UTS2: variants seen among roughly 807,000 people sequenced by gnomAD.
The protein encoded by UTS2 is urotensin 2, also known as urotensin-2.
A neutral mutation model predicts 12.6 loss-of-function variants in UTS2; 10 were observed. The ratio of observed to expected loss-of-function variants is 0.80; its 90% CI spans 0.49 to 1.35. UTS2 has a LOEUF of 1.35. Ranked by LOEUF, UTS2 falls within the 40% of genes most tolerant of loss-of-function variation. The pLI, the probability that UTS2 is intolerant of heterozygous loss-of-function variation, is 0.00. For synonymous variants in UTS2, 52 were observed against 50.0 expected, an observed-to-expected ratio of 1.04 and a Z score of -0.17; for missense variants, 142 against 143.2, an observed-to-expected ratio of 0.99 and a Z score of 0.04.
chr1:7,889,193 G>A, the UTS2 span, among the ~76,000 whole-genome samples: 21,167 of 147,402 alleles, frequency 0.14, 1,823 homozygotes, highest in Non-Finnish European at 0.18. Context: ...GGAGGCCGAG[G>A]TGGACAGATG....
the UTS2 span, among the ~76,000 whole-genome samples, chr1:7,862,980 A>ATTGTATTGTG: frequency 1.9e-5 from 1 of 53,316 alleles, no homozygotes; most frequent in South Asian, 6.5e-4. Context: ...GCCGTTATTT[A>ATTGTATTGTG]TTGTGTTGTG....
upstream of UTS2, chr1:7,853,479 G>A (rs924297977): frequency 1.9e-6 from 3 of 1,579,892 alleles, no homozygotes; most frequent in South Asian, 1.2e-5. Context: ...GCTGTGTTTA[G>A]GGCTGCCATC....
At chr1:7,895,369 CAA>C in the UTS2 span, among the ~76,000 whole-genome samples, 7,382 of 150,230 alleles carry the variant, frequency 0.049, 513 homozygotes, top group African/African-American at 0.15. Flanking sequence ...GACTCCATCC[CAA>C]AAAAATAAAT....
the UTS2 span, among the ~76,000 whole-genome samples, chr1:7,910,935 GCCTCATTAAC>G: frequency 2.0e-5 from 3 of 151,264 alleles, no homozygotes; most frequent in African/African-American, 7.3e-5. Context: ...GGTGACATAG[GCCTCATTAAC>G]CCTCATTAAC....
chr1:7,855,177 G>A (rs916715724), upstream of UTS2, among the ~76,000 whole-genome samples: 7 of 151,892 alleles, frequency 4.6e-5, no homozygotes, highest in African/African-American at 1.7e-4. Flanking sequence ...AAACAAACAA[G>A]TCATGATGTA....
chr1:7,885,058 A>C, the UTS2 span, among the ~76,000 whole-genome samples: 3 of 146,882 alleles, frequency 2.0e-5, no homozygotes, highest in Non-Finnish European at 4.5e-5. Context: ...TCATTCAGCC[A>C]CTCATCCATT....
chr1:7,906,515 G>GAAA, the UTS2 span, among the ~76,000 whole-genome samples: 3 of 148,038 alleles, frequency 2.0e-5, no homozygotes, highest in Non-Finnish European at 3.0e-5. Flanking sequence ...AAGAAAAGAG[G>GAAA]GAGGGAGGGA....
At chr1:7,883,172 C>G in the UTS2 span, among the ~76,000 whole-genome samples, 1 of 152,126 alleles carries the variant, frequency 6.6e-6, no homozygotes, top group Non-Finnish European at 1.5e-5. Flanking sequence ...AAATGTGGTA[C>G]ATATACACAA....
chr1:7,909,824 G>A, the UTS2 span, among the ~76,000 whole-genome samples: 1 of 151,938 alleles, frequency 6.6e-6, no homozygotes, highest in Non-Finnish European at 1.5e-5. Context: ...GTTTCAACAT[G>A]TTGGCCAGGC....
chr1:7,861,999 G>A, the UTS2 span, among the ~76,000 whole-genome samples: 162 of 150,320 alleles, frequency 1.1e-3, no homozygotes, highest in East Asian at 6.9e-3. Context: ...TGCAACCTCC[G>A]TGCCCCTGGT....
At chr1:7,864,851 G>C in the UTS2 span, among the ~76,000 whole-genome samples, 2 of 152,194 alleles carry the variant, frequency 1.3e-5, no homozygotes, top group Non-Finnish European at 2.9e-5. Flanking sequence ...ACAATCAGAG[G>C]GTGAAGGAGG....
chr1:7,853,912 C>T, upstream of UTS2, among the ~76,000 whole-genome samples: 1 of 152,224 alleles, frequency 6.6e-6, no homozygotes, highest in East Asian at 1.9e-4. Flanking sequence ...TTGCTCAAAA[C>T]TTTCTGTGGA....
At chr1:7,863,526 G>A in the UTS2 span, among the ~76,000 whole-genome samples, 25,885 of 152,024 alleles carry the variant, frequency 0.17, 2,837 homozygotes, top group South Asian at 0.25. Flanking sequence ...TATGTGTATC[G>A]GGGTTACTAT....
the UTS2 span, among the ~76,000 whole-genome samples, chr1:7,871,167 T>C: frequency 1.4e-4 from 21 of 152,196 alleles, no homozygotes; most frequent in South Asian, 6.2e-4. Context: ...GCAGACAAAA[T>C]TGCAGGCAGA....
chr1:7,902,040 C>A, the UTS2 span, among the ~76,000 whole-genome samples: 12 of 152,078 alleles, frequency 7.9e-5, no homozygotes, highest in African/African-American at 2.9e-4. Context: ...TGGCTGAGAG[C>A]AGGGCTGGAC....
At chr1:7,892,646 G>T in the UTS2 span, among the ~76,000 whole-genome samples, 62,025 of 150,882 alleles carry the variant, frequency 0.41, 13,130 homozygotes, top group East Asian at 0.53. Context: ...GCCTGGCTAA[G>T]TTTTGTATTT....
At chr1:7,850,690 A>T in intron 2 of UTS2, 122 bp downstream of exon 2, 1 of 975,122 alleles carries the variant, frequency 1.0e-6, no homozygotes, top group Non-Finnish European at 1.6e-6. Context: ...GTTGGTAATT[A>T]CTTATTTTAT....
chr1:7,859,084 G>A, the UTS2 span, among the ~76,000 whole-genome samples: 2 of 152,074 alleles, frequency 1.3e-5, 1 homozygote, highest in South Asian at 4.1e-4. Context: ...ATTTTTATGC[G>A]CAGACTTGGG....
the UTS2 span, among the ~76,000 whole-genome samples, chr1:7,864,214 G>T: frequency 3.3e-5 from 5 of 152,166 alleles, no homozygotes; most frequent in Non-Finnish European, 7.4e-5. Flanking sequence ...CAAGGTGTCG[G>T]CAGGGCTGAT....
Sources: gnomAD v4.1 joint callset for allele counts (sites outside exome capture counted in the v4.1 genomes callset) on GRCh38, gnomAD v4.1.1 for gene constraint, MANE v1.5 for transcripts, NCBI Gene and HGNC (gene_info 2026-07-23, HGNC 2026-07-21) for gene names.